Variants in C1orf21 observed in about 807,000 individuals in gnomAD.
The protein encoded by C1orf21 is chromosome 1 open reading frame 21.
In C1orf21, 3 loss-of-function variants were observed where a neutral mutation model predicts 18.7. That is an observed-to-expected ratio of 0.16 (90% CI 0.07 to 0.42). The LOEUF (loss-of-function observed/expected upper bound fraction) is 0.42. Among genes scored for constraint, C1orf21 ranks in the 10% least tolerant of loss-of-function variants. The pLI is 0.99. For missense variants in C1orf21, 104 were observed against 143.6 expected (o/e 0.72, Z 1.41); for synonymous variants, 41 against 46.4 (o/e 0.88, Z 0.47).
At chr1:184,425,299 G>C (rs952151215) in intron 1 of C1orf21, among the ~76,000 whole-genome samples, 2 of 149,680 alleles carry the variant, frequency 1.3e-5, no homozygotes, top group African/African-American at 4.9e-5. Context: ...ACAAGGTCTC[G>C]TTCTGGCACC....
At chr1:184,541,161 C>T (rs1459646016) in intron 3 of C1orf21, among the ~76,000 whole-genome samples, 1 of 152,114 alleles carries the variant, frequency 6.6e-6, no homozygotes, top group African/African-American at 2.4e-5. Flanking sequence ...TGACATCTGG[C>T]CTCTTGGAGA....
intron 1 of C1orf21, among the ~76,000 whole-genome samples, chr1:184,468,011 T>TGTGTGTGAGA (rs4011656): frequency 1.5e-5 from 2 of 137,536 alleles, no homozygotes; most frequent in African/African-American, 5.3e-5. Flanking sequence ...TGTGTGTGTG[T>TGTGTGTGAGA]GAGAGAGAGA....
chr1:184,549,137 G>A (rs184566450), intron 3 of C1orf21, among the ~76,000 whole-genome samples: 73 of 152,206 alleles, frequency 4.8e-4, no homozygotes, highest in Non-Finnish European at 8.2e-4. Context: ...GAACTCCTGG[G>A]GTGGTGGGCT....
chr1:184,441,159 T>C (rs1271499865), intron 1 of C1orf21, among the ~76,000 whole-genome samples: 1 of 152,194 alleles, frequency 6.6e-6, no homozygotes, highest in Non-Finnish European at 1.5e-5. Flanking sequence ...CATTTTTACC[T>C]CTATACAGCT....
At chr1:184,480,004 A>G (rs949075316) in intron 2 of C1orf21, among the ~76,000 whole-genome samples, 1 of 152,186 alleles carries the variant, frequency 6.6e-6, no homozygotes, top group Non-Finnish European at 1.5e-5. Flanking sequence ...GAGATTACAG[A>G]GGTAAATAAT....
chr1:184,460,620 G>GTCGTCGTCT (rs1284129710), intron 1 of C1orf21, among the ~76,000 whole-genome samples: 139 of 112,080 alleles, frequency 1.2e-3, no homozygotes, highest in African/African-American at 5.3e-3. Flanking sequence ...TGTCGTCGTC[G>GTCGTCGTCT]TCTTCTTCTT....
intron 1 of C1orf21, among the ~76,000 whole-genome samples, chr1:184,442,065 C>G (rs898704527): frequency 1.3e-5 from 2 of 152,158 alleles, no homozygotes; most frequent in Non-Finnish European, 2.9e-5. Context: ...GACTTTTCCT[C>G]TATGCTTGGA....
At chr1:184,413,608 G>A (rs1420724360) in intron 1 of C1orf21, among the ~76,000 whole-genome samples, 1 of 152,156 alleles carries the variant, frequency 6.6e-6, no homozygotes, top group Non-Finnish European at 1.5e-5. Flanking sequence ...TCTGAAAAAC[G>A]CCCAGGAACC....
At chr1:184,503,307 G>A (rs1283813621) in intron 2 of C1orf21, among the ~76,000 whole-genome samples, 1 of 152,012 alleles carries the variant, frequency 6.6e-6, no homozygotes, top group Non-Finnish European at 1.5e-5. Flanking sequence ...AGTAGTTATC[G>A]TTCAGGGACT....
intron 3 of C1orf21, among the ~76,000 whole-genome samples, chr1:184,532,571 G>A (rs918282096): frequency 2.0e-5 from 3 of 151,918 alleles, no homozygotes; most frequent in Non-Finnish European, 4.4e-5. Context: ...ATAAAAAGAC[G>A]CTGTCTCTAC....
At chr1:184,520,583 C>T (rs376488181) in intron 3 of C1orf21, among the ~76,000 whole-genome samples, 1 of 152,314 alleles carries the variant, frequency 6.6e-6, no homozygotes, top group East Asian at 1.9e-4. Context: ...CCTTACTGCT[C>T]ATAATGTTTC....
At chr1:184,427,769 ATCGGCCTTGCTTG>A (rs1253238046) in intron 1 of C1orf21, among the ~76,000 whole-genome samples, 1 of 152,132 alleles carries the variant, frequency 6.6e-6, no homozygotes, top group Non-Finnish European at 1.5e-5. Flanking sequence ...CATCTTTGCC[ATCGGCCTTGCTTG>A]GAAAAATCTG....
At chr1:184,569,292 T>C (rs778916001) in intron 3 of C1orf21, among the ~76,000 whole-genome samples, 10 of 152,214 alleles carry the variant, frequency 6.6e-5, no homozygotes, top group Admixed American at 1.3e-4. Context: ...GTTCGCTAAT[T>C]TGGACAAGGA....
chr1:184,494,425 C>T lies in C1orf21; in HGVS notation c.95-13163C>T, dbSNP rs888401752. On this transcript the variant is annotated intron_variant, in intron 2 of 5. Coordinates refer to ENST00000235307, the MANE Select transcript of C1orf21 (RefSeq NM_030806.4). ...GGGGAGTGATGAGGTCTGACTGCTA[C>T]GTAGGGAATAGACTATAGGAAGAGA... Among the ~76,000 whole-genome samples the T allele has an allele frequency of 4.6e-5, 7 of 152,018 alleles. No homozygotes were observed. The East Asian group carries it at 7.7e-4, about 17-fold the overall frequency.
At chr1:184,616,806 A>G (rs140012431) in intron 5 of C1orf21, among the ~76,000 whole-genome samples, 107 of 152,132 alleles carry the variant, frequency 7.0e-4, no homozygotes, top group African/African-American at 2.3e-3. Context: ...TAAACTCCAC[A>G]TTGGCTGGCT....
intron 5 of C1orf21, among the ~76,000 whole-genome samples, chr1:184,603,274 A>G (rs941361175): frequency 6.6e-6 from 1 of 152,226 alleles, no homozygotes; most frequent in Non-Finnish European, 1.5e-5. Context: ...TTGAGTGCAG[A>G]TGACACCATG....
At chr1:184,569,224 A>G (rs552602025) in intron 3 of C1orf21, among the ~76,000 whole-genome samples, 62 of 152,288 alleles carry the variant, frequency 4.1e-4, no homozygotes, top group Middle Eastern at 3.4e-3. Flanking sequence ...GTTCCTTTTC[A>G]TAGTCTCTGG....
chr1:184,586,669 G>A (rs753793553), intron 3 of C1orf21, among the ~76,000 whole-genome samples: 1 of 152,120 alleles, frequency 6.6e-6, no homozygotes. Context: ...ATTAGACCTT[G>A]TCAAATGCAT....
At chr1:184,449,150 T>C (rs572894981) in intron 1 of C1orf21, among the ~76,000 whole-genome samples, 16 of 152,110 alleles carry the variant, frequency 1.1e-4, no homozygotes, top group Admixed American at 1.3e-4. Context: ...GCTGCACCCA[T>C]TAACTCGTCA....
Sources: gnomAD v4.1 joint callset for allele counts (sites outside exome capture counted in the v4.1 genomes callset) on GRCh38, gnomAD v4.1.1 for gene constraint, MANE v1.5 for transcripts, NCBI Gene and HGNC (gene_info 2026-07-23, HGNC 2026-07-21) for gene names.